Variants in DNM3 observed in about 807,000 individuals in gnomAD.
DNM3 encodes dynamin 3, also known as dynamin-3.
In DNM3, 47 loss-of-function variants were observed where a neutral mutation model predicts 101.6. The ratio of observed to expected loss-of-function variants is 0.46; its 90% CI spans 0.37 to 0.59. The LOEUF (loss-of-function observed/expected upper bound fraction) is 0.59. Among genes scored for constraint, DNM3 ranks in the 20% least tolerant of loss-of-function variants. The pLI is 0.00. For synonymous variants in DNM3, 385 were observed against 387.9 expected, an observed-to-expected ratio of 0.99 and a Z score of 0.09; for missense variants, 849 against 1,085.7, an observed-to-expected ratio of 0.78 and a Z score of 3.06.
At chr1:172,396,972 AT>A (rs1282688929) in intron 20 of DNM3, among the ~76,000 whole-genome samples, 2 of 152,214 alleles carry the variant, frequency 1.3e-5, no homozygotes, top group South Asian at 4.1e-4. Flanking sequence ...TACCATGTGT[AT>A]TTTTTTAAGT....
intron 13 of DNM3, among the ~76,000 whole-genome samples, chr1:172,112,617 C>CT (rs2055567461): frequency 6.6e-6 from 1 of 152,146 alleles, no homozygotes; most frequent in African/African-American, 2.4e-5. Flanking sequence ...AAAGGAATTG[C>CT]TTTTTTTCCA....
At chr1:172,051,646 G>A (rs2125872902) in intron 10 of DNM3, among the ~76,000 whole-genome samples, 1 of 152,242 alleles carries the variant, frequency 6.6e-6, no homozygotes, top group East Asian at 1.9e-4. Flanking sequence ...CTATTTTGAA[G>A]GTTTGAAATT....
At chr1:172,274,323 G>C (rs12409279) in intron 15 of DNM3, among the ~76,000 whole-genome samples, 25,977 of 152,016 alleles carry the variant, frequency 0.17, 2,483 homozygotes, top group East Asian at 0.24. Flanking sequence ...GGATTGAAAG[G>C]GGATGAAGAT....
At chr1:172,378,901 C>T in intron 17 of DNM3, 117 bp from the exon 18 acceptor site, 1 of 1,148,718 alleles carries the variant, frequency 8.7e-7, no homozygotes. Context: ...ATGTTACCAT[C>T]TACTGATATA....
At chr1:172,266,078 C>T (rs948167002) in intron 15 of DNM3, among the ~76,000 whole-genome samples, 2 of 152,014 alleles carry the variant, frequency 1.3e-5, no homozygotes, top group African/African-American at 2.4e-5. Flanking sequence ...CAAATAATGC[C>T]GCAATATAGT....
intron 1 of DNM3, among the ~76,000 whole-genome samples, chr1:171,863,706 G>A (rs1571303127): frequency 6.6e-6 from 1 of 152,062 alleles, no homozygotes; most frequent in African/African-American, 2.4e-5. Flanking sequence ...AACGACTAAG[G>A]TTCCTAGAAT....
chr1:172,115,899 C>G (rs557612209), intron 13 of DNM3, among the ~76,000 whole-genome samples: 1 of 152,052 alleles, frequency 6.6e-6, no homozygotes, highest in Non-Finnish European at 1.5e-5. Context: ...TGGTTATTGT[C>G]TATTGCTGAA....
intron 5 of DNM3, among the ~76,000 whole-genome samples, chr1:172,032,802 A>G (rs763364781): frequency 7.2e-5 from 11 of 152,060 alleles, no homozygotes; most frequent in Admixed American, 5.9e-4. Context: ...AACTTATACT[A>G]TTGTAAGCCT....
At chr1:172,247,064 C>A (rs1017302110) in intron 14 of DNM3, among the ~76,000 whole-genome samples, 1 of 151,996 alleles carries the variant, frequency 6.6e-6, no homozygotes, top group Non-Finnish European at 1.5e-5. Flanking sequence ...GGTGAGGAAT[C>A]TTTTTAACTT....
At position 172,411,466 on chromosome 1, in the gene DNM3, T is replaced by C; in HGVS notation, c.*3625T>C. The C allele has an allele frequency of 2.0e-6, 2 of 984,634 alleles. No homozygotes were observed. The highest frequency in any genetic ancestry group is 2.4e-6 in the Non-Finnish European group (2 of 829,332). The allele number at this position is 984,634 out of a possible 1,614,324, so 61.0% of individuals were successfully genotyped here. A position where few individuals can be genotyped will look rare whatever the true frequency, so the allele number is the denominator to read the frequency against. On this transcript the variant is annotated 3_prime_UTR_variant, in exon 21 of 21. Coordinates refer to ENST00000627582, the MANE Select transcript of DNM3 (RefSeq NM_015569.5). ...GATCTCTAATTGGAATTATAAATTA[T>C]TTTTGGATTGCTGAGCTGAATCTTA...
intron 4 of DNM3, among the ~76,000 whole-genome samples, chr1:172,025,173 A>G (rs1325344787): frequency 6.6e-6 from 1 of 152,172 alleles, no homozygotes; most frequent in Non-Finnish European, 1.5e-5. Flanking sequence ...CACAGTGTAA[A>G]CAAAGCCACT....
chr1:171,870,803 G>A lies in DNM3; in HGVS notation c.161+28986G>A, dbSNP rs142435453. On this transcript the variant is annotated intron_variant, in intron 1 of 20. Coordinates refer to ENST00000627582, the MANE Select transcript of DNM3 (RefSeq NM_015569.5). ...TACCCAAACTGCCTGTATTTGTAAT[G>A]TGAAGTCCAAAGGGGAATAATCTGT... Among the ~76,000 whole-genome samples, 33 of 152,298 alleles carry A rather than the reference G, an allele frequency of 2.2e-4. No individual in the cohort carries two copies. The East Asian group carries it at 6.2e-3, about 28-fold the overall frequency.
At chr1:171,975,359 G>C (rs2044296376) in intron 2 of DNM3, among the ~76,000 whole-genome samples, 2 of 152,008 alleles carry the variant, frequency 1.3e-5, no homozygotes, top group South Asian at 4.1e-4. Context: ...TATTTGTTTA[G>C]ACCTTTTAAT....
At chr1:172,381,881 C>A (rs1424948255) in intron 18 of DNM3, among the ~76,000 whole-genome samples, 2 of 152,142 alleles carry the variant, frequency 1.3e-5, no homozygotes, top group African/African-American at 4.8e-5. Flanking sequence ...AAAACACGGT[C>A]CTCTATTTCT....
chr1:171,859,008 G>A (rs115578167), intron 1 of DNM3, among the ~76,000 whole-genome samples: 2 of 152,126 alleles, frequency 1.3e-5, no homozygotes, highest in African/African-American at 4.8e-5. Context: ...TAATTGATAT[G>A]GAATTCAAAT....
At chr1:171,891,914 GA>G (rs1400062228) in intron 1 of DNM3, among the ~76,000 whole-genome samples, 1 of 152,146 alleles carries the variant, frequency 6.6e-6, no homozygotes, top group Non-Finnish European at 1.5e-5. Context: ...AAGGAGTGGG[GA>G]GTTATGCTCC....
At chr1:171,898,909 GT>G (rs1301710168) in intron 1 of DNM3, among the ~76,000 whole-genome samples, 1 of 152,068 alleles carries the variant, frequency 6.6e-6, no homozygotes, top group African/African-American at 2.4e-5. Flanking sequence ...ACTGTTGTTA[GT>G]TCTACAGGAG....
At chr1:172,066,675 C>T (rs75162348) in intron 10 of DNM3, among the ~76,000 whole-genome samples, 9,823 of 152,168 alleles carry the variant, frequency 0.065, 625 homozygotes, top group East Asian at 0.17. Flanking sequence ...TTGTGCATAA[C>T]CACATTATAT....
intron 14 of DNM3, among the ~76,000 whole-genome samples, chr1:172,212,407 T>A (rs2060545169): frequency 6.6e-6 from 1 of 152,174 alleles, no homozygotes; most frequent in Non-Finnish European, 1.5e-5. Flanking sequence ...TAGAAGTTGA[T>A]GTATGTCTTT....
Sources: gnomAD v4.1 joint callset for allele counts (sites outside exome capture counted in the v4.1 genomes callset) on GRCh38, gnomAD v4.1.1 for gene constraint, MANE v1.5 for transcripts, NCBI Gene and HGNC (gene_info 2026-07-23, HGNC 2026-07-21) for gene names.